USP33: variants seen among roughly 807,000 people sequenced by gnomAD.
The protein encoded by USP33 is ubiquitin specific peptidase 33.
Under a neutral mutation model 124.2 loss-of-function variants are expected in USP33, and 46 were observed. That is an observed-to-expected ratio of 0.37 (90% CI 0.29 to 0.47). The LOEUF is 0.47. Among genes scored for constraint, USP33 ranks in the 20% least tolerant of loss-of-function variants. The pLI is 0.99. For synonymous variants in USP33, 350 were observed against 352.3 expected (o/e 0.99, Z 0.07); for missense variants, 851 against 1,070.6 (o/e 0.79, Z 2.86).
At chr1:77,711,890 G>A in intron 20 of USP33, 35 bp from the exon 21 acceptor site, 2 of 1,565,110 alleles carry the variant, frequency 1.3e-6, no homozygotes, top group East Asian at 2.3e-5. Context: ...TAATGTTCTA[G>A]GAAGTTTGTT....
At chr1:77,699,480 C>T (rs1054623229) in intron 22 of USP33, among the ~76,000 whole-genome samples, 3 of 152,120 alleles carry the variant, frequency 2.0e-5, no homozygotes, top group Admixed American at 1.3e-4. Flanking sequence ...TCACGCCACT[C>T]CACTCCAGCC....
intron 1 of USP33, among the ~76,000 whole-genome samples, 165 bp from the exon 2 acceptor site, chr1:77,741,913 G>A (rs1405885028): frequency 6.6e-6 from 1 of 152,082 alleles, no homozygotes; most frequent in Non-Finnish European, 1.5e-5. Context: ...CTCAAACATA[G>A]ATGAGTTTTC....
chr1:77,723,170 T>G (rs1370589279), intron 12 of USP33, among the ~76,000 whole-genome samples, 161 bp downstream of exon 12: 1 of 151,952 alleles, frequency 6.6e-6, no homozygotes, highest in Non-Finnish European at 1.5e-5. Context: ...CCAAAAAAAA[T>G]TCTACACCTA....
In USP33 at chr1:77,741,252, C is replaced by T. The variant is rs796694805; in HGVS notation, c.135+124G>A. 1.7e-5 allele frequency: 16 copies of T among 923,476 alleles called. No individual in the cohort carries two copies. In the East Asian group the frequency reaches 2.1e-4, roughly 12 times the overall value. The allele number at this position is 923,476 out of a possible 1,614,324, so 57.2% of individuals were successfully genotyped here. On this transcript the variant is annotated intron_variant, in intron 3 of 23. Coordinates refer to ENST00000370794, the MANE Select transcript of USP33 (RefSeq NM_201624.3). ...GTTTAATTTTTGTTATTAATAATGACCTTTTAAAAGCAAGTTTAATTTACA... is the reference window on the plus strand; with the variant it reads ...GTTTAATTTTTGTTATTAATAATGATCTTTTAAAAGCAAGTTTAATTTACA...
chr1:77,741,468 G>A (rs1217466924), intron 2 of USP33, 39 bp from the exon 3 acceptor site: 57 of 1,582,262 alleles, frequency 3.6e-5, no homozygotes, highest in Non-Finnish European at 4.6e-5. Context: ...TGGTTATATT[G>A]ACACAAACAC....
intron 15 of USP33, chr1:77,718,851 C>T: frequency 2.2e-6 from 1 of 461,336 alleles, no homozygotes; most frequent in Non-Finnish European, 3.9e-6. Flanking sequence ...ATCACTTGAA[C>T]CCGGGACACG....
At chr1:77,732,799 T>C (rs1677982611) in intron 7 of USP33, among the ~76,000 whole-genome samples, 1 of 147,134 alleles carries the variant, frequency 6.8e-6, no homozygotes, top group African/African-American at 2.5e-5. Context: ...CTTTTTTTTT[T>C]TTTTTTTTTT....
intron 12 of USP33, 71 bp from the exon 13 acceptor site, chr1:77,722,267 G>A: frequency 1.5e-6 from 2 of 1,343,644 alleles, no homozygotes; most frequent in South Asian, 1.7e-5. Flanking sequence ...TTAGATTTTA[G>A]ACTCTAAAGA....
chr1:77,751,648 T>C (rs1386905388), intron 1 of USP33, among the ~76,000 whole-genome samples: 2 of 151,910 alleles, frequency 1.3e-5, no homozygotes, highest in African/African-American at 4.8e-5. Context: ...GTGACAGAGC[T>C]AGGCCTTGTC....
chr1:77,720,951 C>T (rs888415422), intron 15 of USP33, among the ~76,000 whole-genome samples: 5 of 151,948 alleles, frequency 3.3e-5, no homozygotes, highest in African/African-American at 1.2e-4. Flanking sequence ...AGATTTCATC[C>T]CTCAAAATAT....
At chr1:77,697,954 G>A (rs1222081163) in intron 22 of USP33, 23 bp from the exon 23 acceptor site, 1 of 1,572,762 alleles carries the variant, frequency 6.4e-7, no homozygotes, top group East Asian at 2.3e-5. Context: ...ATATCAAAAT[G>A]TATTTTTCAA....
At chr1:77,707,810 T>A (rs1386252461) in intron 21 of USP33, among the ~76,000 whole-genome samples, 1 of 152,214 alleles carries the variant, frequency 6.6e-6, no homozygotes, top group African/African-American at 2.4e-5. Context: ...TTATAAATAT[T>A]TACCAGATGT....
At chr1:77,752,028 A>G (rs1680389090) in intron 1 of USP33, among the ~76,000 whole-genome samples, 1 of 152,022 alleles carries the variant, frequency 6.6e-6, no homozygotes, top group Admixed American at 6.6e-5. Context: ...TTCGTAGTAC[A>G]ATCTCCAAAT....
At chr1:77,697,521 TA>T in intron 23 of USP33, 47 bp from the exon 24 acceptor site, 1 of 1,544,424 alleles carries the variant, frequency 6.5e-7, no homozygotes, top group Non-Finnish European at 8.7e-7. Context: ...TATATATTCA[TA>T]TTGCAAAAGC....
At chr1:77,700,903 G>C (rs989918783) in intron 22 of USP33, among the ~76,000 whole-genome samples, 3 of 152,046 alleles carry the variant, frequency 2.0e-5, no homozygotes, top group Non-Finnish European at 1.5e-5. Context: ...GTTTCACTAT[G>C]TTTCAGGCTG....
At chr1:77,736,558 A>G (rs1283776996) in intron 5 of USP33, among the ~76,000 whole-genome samples, 1 of 152,100 alleles carries the variant, frequency 6.6e-6, no homozygotes, top group Non-Finnish European at 1.5e-5. Context: ...ATCATAACAC[A>G]TTATCTATAG....
At chr1:77,748,606 C>T (rs1038542921) in intron 1 of USP33, among the ~76,000 whole-genome samples, 1 of 151,168 alleles carries the variant, frequency 6.6e-6, no homozygotes, top group African/African-American at 2.4e-5. Context: ...GAGGCAGAGG[C>T]TGCAGTGAGC....
chr1:77,707,918 A>G (rs930313839), intron 21 of USP33, among the ~76,000 whole-genome samples: 3 of 152,220 alleles, frequency 2.0e-5, no homozygotes, highest in Non-Finnish European at 4.4e-5. Flanking sequence ...ATTACAGACC[A>G]TAACAGGGAA....
intron 22 of USP33, among the ~76,000 whole-genome samples, chr1:77,699,577 CT>C (rs1306299193): frequency 3.9e-5 from 6 of 152,132 alleles, no homozygotes; most frequent in Admixed American, 1.3e-4. Flanking sequence ...AATGGGAACA[CT>C]TTTACACTGT....
Sources: gnomAD v4.1 joint callset for allele counts (sites outside exome capture counted in the v4.1 genomes callset) on GRCh38, gnomAD v4.1.1 for gene constraint, MANE v1.5 for transcripts, NCBI Gene and HGNC (gene_info 2026-07-23, HGNC 2026-07-21) for gene names.